The following SCLT1 variants were observed in gnomAD, a reference collection of about 807,000 sequenced individuals.
The protein encoded by SCLT1 is sodium channel and clathrin linker 1.
A neutral mutation model predicts 112.8 loss-of-function variants in SCLT1; 78 were observed. That is an observed-to-expected ratio of 0.69 (90% confidence interval 0.58 to 0.83). The LOEUF (loss-of-function observed/expected upper bound fraction) is 0.83, where lower values mean the gene tolerates loss of function less well. Ranked by LOEUF, SCLT1 falls within the 40% of genes least tolerant of loss-of-function variation. SCLT1 has a pLI of 0.00. For synonymous variants in SCLT1, 257 were observed against 254.7 expected, an observed-to-expected ratio of 1.01 and a Z score of -0.09; for missense variants, 747 against 770.4, an observed-to-expected ratio of 0.97 and a Z score of 0.36.
chr4:128,928,042 A>G (rs908381138), intron 18 of SCLT1, among the ~76,000 whole-genome samples: 1 of 152,096 alleles, frequency 6.6e-6, no homozygotes, highest in Admixed American at 6.5e-5. Context: ...AACTATGTCA[A>G]TGAAGAAATA....
chr4:129,018,988 A>T lies in SCLT1; in HGVS notation c.291-15112T>A, dbSNP rs186199177. Among the ~76,000 whole-genome samples the T allele has an allele frequency of 3.3e-5, 5 of 152,268 alleles. No individual in the cohort carries two copies. In the East Asian group the frequency reaches 9.6e-4, roughly 29 times the overall value. On this transcript the variant is annotated intron_variant, in intron 5 of 20. Transcript: ENST00000281142. ...CTATCAGATAGTGCTTTTAAATTAA[A>T]TTTACATAAATAGCTATGCTTTTAT...
At chr4:128,910,403 G>T (rs891074047) in intron 18 of SCLT1, among the ~76,000 whole-genome samples, 1 of 152,168 alleles carries the variant, frequency 6.6e-6, no homozygotes, top group African/African-American at 2.4e-5. Flanking sequence ...ACTTTTGTGA[G>T]CTTTGTTTGA....
chr4:128,947,488 AATAG>A (rs1200611923), intron 15 of SCLT1, among the ~76,000 whole-genome samples: 1 of 152,204 alleles, frequency 6.6e-6, no homozygotes, highest in Admixed American at 6.5e-5. Context: ...TCATGTTCAT[AATAG>A]ATATAGACCA....
intron 8 of SCLT1, among the ~76,000 whole-genome samples, chr4:128,993,792 A>T (rs1185384679): frequency 6.6e-6 from 1 of 152,094 alleles, no homozygotes; most frequent in Non-Finnish European, 1.5e-5. Context: ...GAGAACCTAT[A>T]CTTTCATGCA....
Position 128,970,021 on chromosome 4 carries a change from T to C in SCLT1, c.777+357A>G, listed in dbSNP as rs367570438. ...ACATATTAAAAAGAACCAGAGTCTA[T>C]TGTGTCAATAAATACTTTAGTAAAT... is the stretch of plus-strand genomic sequence containing the variant. On this transcript the variant is annotated intron_variant, in intron 10 of 20. Transcript: ENST00000281142. 5.9e-5 allele frequency among the ~76,000 whole-genome samples: 9 copies of C among 152,316 alleles called. No homozygotes were observed. The East Asian group carries it at 7.7e-4, about 13-fold the overall frequency.
At chr4:128,991,579 G>A (rs1426451512) in intron 9 of SCLT1, among the ~76,000 whole-genome samples, 3 of 151,738 alleles carry the variant, frequency 2.0e-5, no homozygotes. Context: ...CACTGGACAA[G>A]GGATTAATAA....
At chr4:128,877,458 G>A (rs1214517356) in intron 3 of SCLT1, among the ~76,000 whole-genome samples, 1 of 152,126 alleles carries the variant, frequency 6.6e-6, no homozygotes, top group Non-Finnish European at 1.5e-5. Flanking sequence ...GAGGTGGGCA[G>A]ATCACGAGGT....
intron 6 of SCLT1, among the ~76,000 whole-genome samples, chr4:129,003,080 T>C (rs184950195): frequency 3.9e-5 from 6 of 152,234 alleles, no homozygotes; most frequent in East Asian, 1.9e-4. Context: ...GTGGCACATA[T>C]ACACCATGGA....
rs535127058 is a variant in SCLT1 at position 129,012,544 on chromosome 4, C to T, written c.291-8668G>A. On this transcript the variant is annotated intron_variant, in intron 5 of 20. Transcript: ENST00000281142. ...AGATGTCTCTCAGGTCCATTTGATC[C>T]ACTGTTGGGTTCAGGTCCTGAATAT... 5.3e-5 allele frequency among the ~76,000 whole-genome samples: 8 copies of T among 152,182 alleles called. No individual in the cohort carries two copies. The South Asian group carries it at 1.5e-3, about 28-fold the overall frequency.
At chr4:128,919,933 G>A (rs1735754408) in intron 18 of SCLT1, among the ~76,000 whole-genome samples, 1 of 151,846 alleles carries the variant, frequency 6.6e-6, no homozygotes, top group Non-Finnish European at 1.5e-5. Flanking sequence ...AAAATCCCAG[G>A]GTCAGAAGGA....
chr4:129,004,734 A>G (rs1743841231), intron 5 of SCLT1, among the ~76,000 whole-genome samples: 1 of 151,884 alleles, frequency 6.6e-6, no homozygotes. Flanking sequence ...TCTCCTTTGA[A>G]ACAAGAAAAC....
intron 5 of SCLT1, among the ~76,000 whole-genome samples, chr4:129,029,127 C>T (rs1293594988): frequency 6.6e-6 from 1 of 152,094 alleles, no homozygotes; most frequent in African/African-American, 2.4e-5. Flanking sequence ...GGCAATTCCT[C>T]AGGGATCTAG....
At chr4:129,013,142 A>G (rs1379893883) in intron 5 of SCLT1, among the ~76,000 whole-genome samples, 1 of 151,246 alleles carries the variant, frequency 6.6e-6, no homozygotes, top group African/African-American at 2.4e-5. Flanking sequence ...CCCTCCTCCC[A>G]CCCTCTCCTT....
intron 5 of SCLT1, among the ~76,000 whole-genome samples, chr4:129,032,338 T>A (rs1746797891): frequency 6.6e-6 from 1 of 151,864 alleles, no homozygotes; most frequent in African/African-American, 2.4e-5. Context: ...AAAAATTAAC[T>A]CAAAATAAAT....
intron 2 of SCLT1, among the ~76,000 whole-genome samples, chr4:129,055,741 C>G (rs529897364): frequency 3.3e-5 from 5 of 151,936 alleles, no homozygotes; most frequent in Non-Finnish European, 5.9e-5. Flanking sequence ...AGCAAGACCA[C>G]TTGGCTCTCT....
chr4:128,882,487 T>A (rs1732664010), downstream of SCLT1, among the ~76,000 whole-genome samples: 1 of 152,188 alleles, frequency 6.6e-6, no homozygotes, highest in Non-Finnish European at 1.5e-5. Context: ...TAGTCTCCTT[T>A]AATGACATCT....
At chr4:128,968,404 C>G (rs889335445) in intron 10 of SCLT1, among the ~76,000 whole-genome samples, 22 of 152,234 alleles carry the variant, frequency 1.4e-4, no homozygotes, top group Admixed American at 1.3e-3. Context: ...AACTTTAAAG[C>G]TCTAGAGTTT....
In SCLT1 at chr4:129,061,977, G is replaced by A. The variant is rs148421166; in HGVS notation, c.103-17926C>T. Among the ~76,000 whole-genome samples the A allele has an allele frequency of 5.4e-3, 827 of 152,186 alleles. 8 individuals are homozygous for A. Among genetic ancestry groups the A allele is most frequent in the African/African-American group, 0.019 (779 of 41,508 alleles). On this transcript the variant is annotated intron_variant, in intron 2 of 20. Coordinates refer to ENST00000281142, the MANE Select transcript of SCLT1 (RefSeq NM_144643.4). The stretch of plus-strand genomic sequence containing the variant: ...AAGCTTAGTGACTTTGAGGATTGCA[G>A]GGGACCCCAGTGGCGAGGTCTGTAG...
intron 8 of SCLT1, chr4:128,997,095 T>C (rs983067584): frequency 6.6e-6 from 1 of 152,032 alleles, no homozygotes; most frequent in African/African-American, 2.4e-5. Flanking sequence ...AAAAACTGTA[T>C]GTAATTAGAC....
Sources: gnomAD v4.1 joint callset for allele counts (sites outside exome capture counted in the v4.1 genomes callset) on GRCh38, gnomAD v4.1.1 for gene constraint, MANE v1.5 for transcripts, NCBI Gene and HGNC (gene_info 2026-07-23, HGNC 2026-07-21) for gene names.